The following MYT1L variants were observed in gnomAD, a reference collection of about 807,000 sequenced individuals.
The protein encoded by MYT1L is myelin transcription factor 1 like.
Under a neutral mutation model 126.7 loss-of-function variants are expected in MYT1L, and 12 were observed. That is an observed-to-expected ratio of 0.09 (90% confidence interval 0.06 to 0.15). The LOEUF (loss-of-function observed/expected upper bound fraction) is 0.15, where lower values mean the gene tolerates loss of function less well. Among genes scored for constraint, MYT1L ranks in the 10% least tolerant of loss-of-function variants. The pLI, the probability that MYT1L is intolerant of heterozygous loss-of-function variation, is 1.00. For missense variants in MYT1L, 979 were observed against 1,585.2 expected, an observed-to-expected ratio of 0.62 and a Z score of 6.49; for synonymous variants, 541 against 604.2, an observed-to-expected ratio of 0.90 and a Z score of 1.53.
chr2:2,286,396 C>T (rs1403130470), intron 1 of MYT1L, among the ~76,000 whole-genome samples: 3 of 152,106 alleles, frequency 2.0e-5, no homozygotes, highest in Non-Finnish European at 4.4e-5. Context: ...CAATGTCATT[C>T]ATTACTAAAA....
intron 3 of MYT1L, among the ~76,000 whole-genome samples, chr2:2,138,866 T>G (rs1043492411): frequency 1.4e-5 from 2 of 138,986 alleles, no homozygotes; most frequent in South Asian, 2.4e-4. Context: ...AAAAAAGAAA[T>G]AAGGACTGCC....
intron 3 of MYT1L, among the ~76,000 whole-genome samples, chr2:2,139,993 G>A (rs2083703617): frequency 6.6e-6 from 1 of 152,110 alleles, no homozygotes; most frequent in Non-Finnish European, 1.5e-5. Flanking sequence ...AAATTATAAA[G>A]CACAACATGA....
chr2:2,101,377 A>G (rs931579897), intron 3 of MYT1L, among the ~76,000 whole-genome samples: 2 of 152,142 alleles, frequency 1.3e-5, no homozygotes, highest in African/African-American at 4.8e-5. Context: ...AACCCCATTA[A>G]AATATACGCA....
At chr2:2,022,169 T>C (rs2065102516) in intron 4 of MYT1L, among the ~76,000 whole-genome samples, 1 of 152,202 alleles carries the variant, frequency 6.6e-6, no homozygotes, top group African/African-American at 2.4e-5. Context: ...TACTTCGCCA[T>C]GGCAACCCCA....
chr2:2,212,689 C>T (rs1346651294), intron 2 of MYT1L, among the ~76,000 whole-genome samples: 1 of 152,134 alleles, frequency 6.6e-6, no homozygotes, highest in African/African-American at 2.4e-5. Flanking sequence ...TATCATTAGC[C>T]TTAATTGTTA....
intron 4 of MYT1L, among the ~76,000 whole-genome samples, chr2:2,030,332 C>T (rs2066095342): frequency 6.6e-6 from 1 of 152,098 alleles, no homozygotes; most frequent in Admixed American, 6.5e-5. Context: ...CTCCTGACCT[C>T]ATGATCCACC....
chr2:2,138,154 A>C (rs2083337548), intron 3 of MYT1L, among the ~76,000 whole-genome samples: 1 of 152,212 alleles, frequency 6.6e-6, no homozygotes, highest in Admixed American at 6.5e-5. Flanking sequence ...ATATCATCTC[A>C]CACCAGTTAG....
rs1018160442 is a variant in MYT1L, at chr2:2,058,852, A to G, written c.-303-4729T>C. ...AGGGATGTGAGGCTCCTTCTCAGTG[A>G]CATCTGTGTCTTGTTTCCACTCTAG... On this transcript the variant is annotated intron_variant, in intron 3 of 24. Transcript: ENST00000647738. 2.0e-5 allele frequency among the ~76,000 whole-genome samples: 3 copies of G among 152,188 alleles called. No homozygotes were observed. In the East Asian group the frequency reaches 5.8e-4, roughly 29 times the overall value.
At chr2:2,049,487 A>T (rs1453544270) in intron 4 of MYT1L, among the ~76,000 whole-genome samples, 4 of 152,228 alleles carry the variant, frequency 2.6e-5, no homozygotes, top group Admixed American at 1.3e-4. Context: ...TCATTTATTA[A>T]CTGTGTAATG....
At chr2:1,864,627 A>G (rs896579561) in intron 18 of MYT1L, among the ~76,000 whole-genome samples, 5 of 152,212 alleles carry the variant, frequency 3.3e-5, no homozygotes, top group African/African-American at 9.6e-5. Context: ...CATCTCGTTT[A>G]TTCAGGGTCT....
intron 3 of MYT1L, among the ~76,000 whole-genome samples, chr2:2,171,346 C>T (rs2090023985): frequency 6.6e-6 from 1 of 152,168 alleles, no homozygotes; most frequent in Non-Finnish European, 1.5e-5. Context: ...TATTTGAATG[C>T]TTTATCTCAA....
chr2:2,193,662 G>A (rs978297347), intron 2 of MYT1L, among the ~76,000 whole-genome samples: 1 of 152,228 alleles, frequency 6.6e-6, no homozygotes, highest in African/African-American at 2.4e-5. Context: ...AGACAAAAGA[G>A]TGAGAATTGA....
chr2:2,172,375 C>T (rs2090170035), intron 3 of MYT1L, among the ~76,000 whole-genome samples: 1 of 152,242 alleles, frequency 6.6e-6, no homozygotes, highest in African/African-American at 2.4e-5. Context: ...TCAGCACCCA[C>T]AAGGAGGCTC....
At chr2:2,053,654 G>A (rs1281326217) in intron 4 of MYT1L, among the ~76,000 whole-genome samples, 1 of 152,072 alleles carries the variant, frequency 6.6e-6, no homozygotes, top group Non-Finnish European at 1.5e-5. Flanking sequence ...TTTTAAAGGG[G>A]CTTTGTACAA....
intron 1 of MYT1L, among the ~76,000 whole-genome samples, chr2:2,330,258 G>C (rs1016218815): frequency 6.6e-6 from 1 of 152,002 alleles, no homozygotes; most frequent in African/African-American, 2.4e-5. Flanking sequence ...ATATAGCTTT[G>C]ATGGTACAAG....
chr2:1,893,463 T>C (rs2049177775), intron 14 of MYT1L, among the ~76,000 whole-genome samples: 2 of 152,180 alleles, frequency 1.3e-5, no homozygotes, highest in Admixed American at 1.3e-4. Flanking sequence ...TGAGTGTAGC[T>C]GGGAGAACTT....
chr2:1,961,856 G>C (rs1167287277), intron 8 of MYT1L, among the ~76,000 whole-genome samples: 1 of 152,162 alleles, frequency 6.6e-6, no homozygotes, highest in Non-Finnish European at 1.5e-5. Flanking sequence ...ACAAATATAC[G>C]GTTTGACAGA....
intron 4 of MYT1L, among the ~76,000 whole-genome samples, chr2:2,027,264 T>C (rs1213579): frequency 0.45 from 68,276 of 151,928 alleles, 17,600 homozygotes; most frequent in African/African-American, 0.73. Flanking sequence ...TCCCGGCTGG[T>C]GAGTGCTTCC....
At chr2:2,062,320 C>T (rs761931531) in intron 3 of MYT1L, among the ~76,000 whole-genome samples, 2 of 152,170 alleles carry the variant, frequency 1.3e-5, no homozygotes, top group Non-Finnish European at 2.9e-5. Flanking sequence ...TCCCAAATTC[C>T]CAATTACGTC....
Sources: gnomAD v4.1 joint callset for allele counts (sites outside exome capture counted in the v4.1 genomes callset) on GRCh38, gnomAD v4.1.1 for gene constraint, MANE v1.5 for transcripts, NCBI Gene and HGNC (gene_info 2026-07-23, HGNC 2026-07-21) for gene names.